ADGRL2: variants seen among roughly 807,000 people sequenced by gnomAD.
The protein encoded by ADGRL2 is adhesion G protein-coupled receptor L2.
ADGRL2 carries 44 observed loss-of-function variants against 157.4 expected under a neutral mutation model. The ratio of observed to expected loss-of-function variants is 0.28; its 90% confidence interval spans 0.22 to 0.36. The LOEUF is 0.36. ADGRL2 is among the 10% of genes least tolerant of loss of function. ADGRL2 has a pLI of 1.00. For synonymous variants in ADGRL2, 585 were observed against 624.7 expected (o/e 0.94, Z 0.95); for missense variants, 1,510 against 1,768.9 (o/e 0.85, Z 2.63).
At chr1:81,708,216 A>G (rs1455941736) in intron 1 of ADGRL2, among the ~76,000 whole-genome samples, 1 of 152,136 alleles carries the variant, frequency 6.6e-6, no homozygotes, top group Non-Finnish European at 1.5e-5. Context: ...TTTATCCGTC[A>G]AAGAAATCAT....
upstream of ADGRL2, among the ~76,000 whole-genome samples, chr1:81,699,201 C>T (rs2083507502): frequency 8.5e-5 from 13 of 152,166 alleles, no homozygotes; most frequent in South Asian, 2.7e-3. Flanking sequence ...TACAGTCATT[C>T]TCGATGTTTA....
intron 2 of ADGRL2, among the ~76,000 whole-genome samples, chr1:81,477,896 C>A (rs535510606): frequency 6.6e-6 from 1 of 152,086 alleles, no homozygotes; most frequent in Non-Finnish European, 1.5e-5. Flanking sequence ...TCCATCACTA[C>A]GATGTCATTC....
At chr1:81,690,385 A>G (rs1378138776) in intron 3 of ADGRL2, among the ~76,000 whole-genome samples, 1 of 152,110 alleles carries the variant, frequency 6.6e-6, no homozygotes, top group Admixed American at 6.5e-5. Context: ...CCCAGCTACT[A>G]GTGAGGCTGA....
chr1:81,625,829 AT>A (rs1437413621), intron 3 of ADGRL2: 1 of 152,232 alleles, frequency 6.6e-6, no homozygotes, highest in Non-Finnish European at 1.5e-5. Flanking sequence ...CAAACTTCTT[AT>A]TGGCAGTAAG....
chr1:81,969,494 A>T, intron 15 of ADGRL2, 107 bp downstream of exon 15: 1 of 697,842 alleles, frequency 1.4e-6, no homozygotes, highest in South Asian at 1.9e-5. Context: ...AACTTGATAG[A>T]ATTGATACGG....
At chr1:81,767,854 C>CAAAAAA (rs71592741) in intron 2 of ADGRL2, among the ~76,000 whole-genome samples, 2 of 83,998 alleles carry the variant, frequency 2.4e-5, no homozygotes, top group Non-Finnish European at 5.0e-5. Context: ...GATCCTGTCT[C>CAAAAAA]AAAAAAAAAA....
chr1:81,375,792 G>A (rs1471489665), intron 1 of ADGRL2, among the ~76,000 whole-genome samples: 1 of 152,050 alleles, frequency 6.6e-6, no homozygotes, highest in Non-Finnish European at 1.5e-5. Context: ...CTAGATTCAA[G>A]CTATAATATA....
chr1:81,811,070 G>A (rs567028911), intron 1 of ADGRL2, among the ~76,000 whole-genome samples: 16 of 151,534 alleles, frequency 1.1e-4, no homozygotes, highest in Admixed American at 2.0e-4. Context: ...ATATTGTTAC[G>A]GGTTTTAAAC....
intron 1 of ADGRL2, among the ~76,000 whole-genome samples, chr1:81,360,263 C>T (rs2075955211): frequency 1.3e-5 from 2 of 151,938 alleles, no homozygotes; most frequent in Non-Finnish European, 2.9e-5. Context: ...AATTCTTTGT[C>T]CCTAGATCTT....
At chr1:81,949,293 G>A (rs1403580378) in intron 6 of ADGRL2, among the ~76,000 whole-genome samples, 1 of 152,110 alleles carries the variant, frequency 6.6e-6, no homozygotes, top group Non-Finnish European at 1.5e-5. Context: ...TAATTCAGTG[G>A]TAATTAATGG....
Position 81,471,981 on chromosome 1 carries a change from A to G in ADGRL2, c.-248+26892A>G, listed in dbSNP as rs192667117. ...TAGGAAGTTTGGGTTTTTACTCTTCAATCTCTAACCCTCAAATTACAGTAA... is the reference window on the plus strand; with the variant it reads ...TAGGAAGTTTGGGTTTTTACTCTTCGATCTCTAACCCTCAAATTACAGTAA... On this transcript the variant is annotated intron_variant, in intron 2 of 24. Coordinates refer to the ADGRL2 transcript ENST00000370721. Among the ~76,000 whole-genome samples, 18 of 152,286 alleles carry G rather than the reference A, an allele frequency of 1.2e-4. 1 individual carries two copies. In the East Asian group the frequency reaches 1.9e-3, roughly 16 times the overall value.
intron 1 of ADGRL2, chr1:81,722,409 C>A: frequency 1.1e-6 from 1 of 921,376 alleles, no homozygotes; most frequent in Non-Finnish European, 1.8e-6. Flanking sequence ...GACTTATTCA[C>A]AAATGCCATT....
At chr1:81,776,987 A>T (rs1426378453) in intron 2 of ADGRL2, among the ~76,000 whole-genome samples, 1 of 152,208 alleles carries the variant, frequency 6.6e-6, no homozygotes, top group African/African-American at 2.4e-5. Context: ...TGATGATTAA[A>T]TTATTATGCA....
At chr1:81,753,134 T>C (rs1224339634) in intron 1 of ADGRL2, among the ~76,000 whole-genome samples, 1 of 152,164 alleles carries the variant, frequency 6.6e-6, no homozygotes, top group Non-Finnish European at 1.5e-5. Flanking sequence ...TTTGTCCAAT[T>C]TCATGCTGCT....
chr1:81,502,685 A>T, intron 2 of ADGRL2: 2 of 1,613,606 alleles, frequency 1.2e-6, no homozygotes, highest in Non-Finnish European at 1.7e-6. Context: ...AAGTATCTGT[A>T]TGCCTATGAG....
chr1:81,678,094 C>A (rs1398677543), intron 3 of ADGRL2, among the ~76,000 whole-genome samples: 1 of 152,142 alleles, frequency 6.6e-6, no homozygotes, highest in Non-Finnish European at 1.5e-5. Context: ...CTTCTCAGAG[C>A]ACATAGGAAG....
chr1:81,799,899 T>C (rs1166286351), upstream of ADGRL2, among the ~76,000 whole-genome samples: 2 of 148,916 alleles, frequency 1.3e-5, no homozygotes, highest in East Asian at 4.0e-4. Flanking sequence ...AAAAAAAAAA[T>C]CCATGTTTGA....
At chr1:81,860,310 T>C (rs2150752350) in intron 2 of ADGRL2, among the ~76,000 whole-genome samples, 1 of 152,294 alleles carries the variant, frequency 6.6e-6, no homozygotes, top group East Asian at 1.9e-4. Flanking sequence ...TGAATTATTT[T>C]TTAAAAAGAC....
chr1:81,736,619 TAGATCC>T (rs1182372698), intron 1 of ADGRL2, among the ~76,000 whole-genome samples: 2 of 152,186 alleles, frequency 1.3e-5, no homozygotes, highest in African/African-American at 4.8e-5. Flanking sequence ...GATTTTCCCT[TAGATCC>T]AGATCTCTAT....
Sources: allele counts gnomAD v4.1 joint callset (sites outside exome capture counted in the v4.1 genomes callset), GRCh38; gene constraint gnomAD v4.1.1; transcripts MANE v1.5; gene names NCBI Gene and HGNC (gene_info 2026-07-23, HGNC 2026-07-21).